Variants in ASXL3 observed in about 807,000 individuals in gnomAD.
The protein encoded by ASXL3 is ASXL transcriptional regulator 3.
In ASXL3, 34 loss-of-function variants were observed where a neutral mutation model predicts 170.6. The observed-to-expected ratio is 0.20, with a 90% CI of 0.15 to 0.27. The LOEUF is 0.27. Ranked by LOEUF, ASXL3 falls within the 10% of genes least tolerant of loss-of-function variation. The pLI is 1.00. For missense variants in ASXL3, 2,592 were observed against 2,695.3 expected, an observed-to-expected ratio of 0.96 and a Z score of 0.85; for synonymous variants, 1,002 against 989.1, an observed-to-expected ratio of 1.01 and a Z score of -0.24.
chr18:33,704,861 G>A lies in ASXL3; in HGVS notation c.879+21293G>A, dbSNP rs993145756. On this transcript the variant is annotated intron_variant, in intron 8 of 11. Transcript: ENST00000269197. ...AAAGGTTGTTTTGATGGAAGGTTGA[G>A]GAAATGTTTTAAGTGGTTCAGTTTA... is the stretch of plus-strand genomic sequence containing the variant. Among the ~76,000 whole-genome samples, 3 of 151,844 alleles carry A rather than the reference G, an allele frequency of 2.0e-5. 1 individual carries two copies. The highest frequency in any genetic ancestry group is 2.0e-4 in the Admixed American group (3 of 15,226).
intron 4 of ASXL3, among the ~76,000 whole-genome samples, chr18:33,647,158 G>A (rs888551914): frequency 2.0e-5 from 3 of 151,988 alleles, no homozygotes; most frequent in Non-Finnish European, 4.4e-5. Flanking sequence ...AACCTTAAAG[G>A]ATGTTTGCAG....
intron 9 of ASXL3, among the ~76,000 whole-genome samples, chr18:33,734,054 T>G (rs2067501541): frequency 7.1e-6 from 1 of 141,116 alleles, no homozygotes; most frequent in Non-Finnish European, 1.6e-5. Context: ...TGCTTTAGCA[T>G]TCTTCTAAAG....
chr18:33,725,460 G>T (rs185801463), intron 8 of ASXL3, among the ~76,000 whole-genome samples: 4 of 152,176 alleles, frequency 2.6e-5, no homozygotes, highest in African/African-American at 9.6e-5. Context: ...CTTCCTAACA[G>T]GATCTACTTT....
At chr18:33,591,933 T>A (rs2145098945) in intron 1 of ASXL3, among the ~76,000 whole-genome samples, 1 of 150,032 alleles carries the variant, frequency 6.7e-6, no homozygotes, top group South Asian at 2.1e-4. Context: ...CACTACTTAT[T>A]TTTTTTTTTG....
intron 1 of ASXL3, among the ~76,000 whole-genome samples, chr18:33,584,331 C>T (rs1423677069): frequency 6.6e-6 from 1 of 152,010 alleles, no homozygotes; most frequent in Non-Finnish European, 1.5e-5. Flanking sequence ...GATTTAAAGC[C>T]ATTTTCATAT....
At chr18:33,720,981 CT>C (rs150652454) in intron 8 of ASXL3, among the ~76,000 whole-genome samples, 4,015 of 152,066 alleles carry the variant, frequency 0.026, 81 homozygotes, top group East Asian at 0.071. Context: ...TACCTGAAAC[CT>C]TTCAATAATC....
At chr18:33,600,834 T>C (rs2065176575) in intron 1 of ASXL3, among the ~76,000 whole-genome samples, 1 of 152,118 alleles carries the variant, frequency 6.6e-6, no homozygotes, top group Non-Finnish European at 1.5e-5. Context: ...CTGAAGTATG[T>C]TGCTATAAAA....
chr18:33,621,508 C>A (rs1160956320), intron 2 of ASXL3, among the ~76,000 whole-genome samples: 2 of 152,090 alleles, frequency 1.3e-5, no homozygotes, highest in African/African-American at 4.8e-5. Flanking sequence ...GTTAGGGATG[C>A]AAGAGAGATT....
chr18:33,679,807 T>A (rs534021433), intron 7 of ASXL3, among the ~76,000 whole-genome samples: 54 of 152,242 alleles, frequency 3.5e-4, no homozygotes, highest in African/African-American at 1.3e-3. Context: ...TTATGCTTTT[T>A]AAAATCTACT....
chr18:33,644,130 A>G (rs1464784956), intron 2 of ASXL3, among the ~76,000 whole-genome samples: 1 of 151,994 alleles, frequency 6.6e-6, no homozygotes, highest in Non-Finnish European at 1.5e-5. Context: ...TAATGTTTAT[A>G]CATATGTACT....
At chr18:33,659,089 G>A (rs1392602535) in intron 4 of ASXL3, among the ~76,000 whole-genome samples, 1 of 152,000 alleles carries the variant, frequency 6.6e-6, no homozygotes, top group Non-Finnish European at 1.5e-5. Context: ...CAGAAATAGA[G>A]CAACTGGTGA....
intron 5 of ASXL3, among the ~76,000 whole-genome samples, chr18:33,665,744 T>C (rs2066245743): frequency 6.6e-6 from 1 of 152,190 alleles, no homozygotes; most frequent in Admixed American, 6.5e-5. Flanking sequence ...AAAAATCAAA[T>C]GTTTATTTAA....
intron 8 of ASXL3, among the ~76,000 whole-genome samples, chr18:33,721,154 A>T (rs1037242820): frequency 2.0e-5 from 3 of 152,022 alleles, no homozygotes; most frequent in Non-Finnish European, 2.9e-5. Context: ...GGAGCCTAAG[A>T]AATTGCTTTC....
rs201006422 is a variant in ASXL3 at position 33,740,073 on chromosome 18, C to G, written c.2669C>G (p.Thr890Arg). The G allele has an allele frequency of 1.2e-6, 2 of 1,613,882 alleles. No individual in the cohort carries two copies. Among genetic ancestry groups the G allele is most frequent in the African/African-American group, 2.7e-5 (2 of 75,020 alleles). ...GAATTATCTGTCTTTTCTGAAGGGA[C>G]AGATAATAAGGGAAATGAGCTTCCA... ...PLELSVFSEGTDNKGNELPSA... is the reference protein window; with the variant it reads ...PLELSVFSEGRDNKGNELPSA... Residue 890 changes from threonine to arginine, a missense_variant, in exon 11 of 12, where the codon ACA becomes AGA. This residue lies in a region of ASXL3 where 2,246 missense variants were observed against 2,219.6 expected (regional missense o/e 1.01). Coordinates refer to ENST00000269197, the MANE Select transcript of ASXL3 (RefSeq NM_030632.3).
chr18:33,697,958 A>G (rs1193753215), intron 8 of ASXL3, among the ~76,000 whole-genome samples: 1 of 152,052 alleles, frequency 6.6e-6, no homozygotes, highest in Non-Finnish European at 1.5e-5. Context: ...GTTTTCCCTG[A>G]CTCAGCTTCA....
intron 6 of ASXL3, 124 bp from the exon 7 acceptor site, chr18:33,671,623 G>A: frequency 1.3e-6 from 1 of 787,062 alleles, no homozygotes; most frequent in Non-Finnish European, 1.9e-6. Context: ...TCAGATTGTG[G>A]CCAAAGGTAG....
At chr18:33,674,178 C>T (rs1204014424) in intron 7 of ASXL3, among the ~76,000 whole-genome samples, 1 of 152,136 alleles carries the variant, frequency 6.6e-6, no homozygotes, top group Non-Finnish European at 1.5e-5. Flanking sequence ...AAAGTCTAAG[C>T]CATTCATTTT....
At chr18:33,729,630 A>G (rs2067410287) in intron 8 of ASXL3, among the ~76,000 whole-genome samples, 1 of 152,186 alleles carries the variant, frequency 6.6e-6, no homozygotes, top group Admixed American at 6.5e-5. Context: ...AAAGAAGGAA[A>G]AAATGAAAAT....
intron 10 of ASXL3, among the ~76,000 whole-genome samples, chr18:33,735,074 G>A (rs1406464437): frequency 6.6e-6 from 1 of 152,154 alleles, no homozygotes; most frequent in Non-Finnish European, 1.5e-5. Context: ...TAAAAAAGGA[G>A]GGGTTTAAGA....
Sources: gnomAD v4.1 joint callset for allele counts (sites outside exome capture counted in the v4.1 genomes callset) on GRCh38, gnomAD v4.1.1 for gene constraint, gnomAD v4.1.1 regional missense constraint, MANE v1.5 for transcripts, NCBI Gene and HGNC (gene_info 2026-07-23, HGNC 2026-07-21) for gene names.